Variants in L3MBTL4 observed in about 807,000 individuals in gnomAD.
The protein encoded by L3MBTL4 is L3MBTL histone methyl-lysine binding protein 4, also known as lethal(3)malignant brain tumor-like protein 4.
A neutral mutation model predicts 84.5 loss-of-function variants in L3MBTL4; 70 were observed. The ratio of observed to expected loss-of-function variants is 0.83; its 90% CI spans 0.68 to 1.01. The LOEUF (loss-of-function observed/expected upper bound fraction) is 1.01, where lower values mean the gene tolerates loss of function less well. L3MBTL4 is among the 50% of genes least tolerant of loss of function. The pLI is 0.00. For missense variants in L3MBTL4, 715 were observed against 754.8 expected (o/e 0.95, Z 0.62); for synonymous variants, 274 against 259.8 (o/e 1.05, Z -0.52).
Position 6,325,564 on chromosome 18 carries a change from G to A in L3MBTL4, c.-90-13508C>T, listed in dbSNP as rs185267364. Among the ~76,000 whole-genome samples the A allele has an allele frequency of 4.2e-3, 633 of 152,220 alleles. 3 individuals carry two copies. The highest frequency in any genetic ancestry group is 8.3e-3 in the South Asian group (40 of 4,826). On this transcript the variant is annotated intron_variant, in intron 1 of 18. Coordinates refer to ENST00000317931, the MANE Select transcript of L3MBTL4 (RefSeq NM_001330559.2). ...TAGATATATACGGCAAACTATATAA[G>A]TAGTATATATAAAGTAAACTGCCTT... is the stretch of plus-strand genomic sequence containing the variant.
In L3MBTL4 at chr18:6,272,108, C is replaced by T. The variant is rs184453056; in HGVS notation, c.128-8070G>A. On this transcript the variant is annotated intron_variant, in intron 4 of 18. Coordinates refer to ENST00000317931, the MANE Select transcript of L3MBTL4 (RefSeq NM_001330559.2). ...AGGAGACGGGACGTCTCAGTTCTTC[C>T]GTTGAGGGAAATGCACCCAGAGAGA... Among the ~76,000 whole-genome samples the T allele has an allele frequency of 6.3e-3, 957 of 152,210 alleles. 3 individuals carry two copies. The highest frequency in any genetic ancestry group is 0.013 in the South Asian group (62 of 4,810).
At chr18:6,296,020 G>A (rs1320103891) in intron 4 of L3MBTL4, among the ~76,000 whole-genome samples, 1 of 152,152 alleles carries the variant, frequency 6.6e-6, no homozygotes, top group Non-Finnish European at 1.5e-5. Flanking sequence ...CCATTCTCAG[G>A]TAAGGAATTA....
intron 16 of L3MBTL4, among the ~76,000 whole-genome samples, chr18:6,070,508 T>A: frequency 6.9e-6 from 1 of 144,540 alleles, no homozygotes; most frequent in East Asian, 2.0e-4. Context: ...AAGAAAAACT[T>A]ACTCAAAAAA....
intron 16 of L3MBTL4, among the ~76,000 whole-genome samples, chr18:6,015,492 G>C (rs1273964650): frequency 1.3e-5 from 2 of 152,054 alleles, no homozygotes; most frequent in African/African-American, 4.8e-5. Context: ...GCCTTTGGGG[G>C]ATCTAGAACA....
chr18:6,196,452 C>T (rs1387787975), intron 12 of L3MBTL4, among the ~76,000 whole-genome samples: 2 of 152,084 alleles, frequency 1.3e-5, no homozygotes, highest in Admixed American at 6.5e-5. Flanking sequence ...CCACCGTGCC[C>T]GGCCTAGAGT....
At chr18:6,199,043 G>A (rs994988454) in intron 12 of L3MBTL4, among the ~76,000 whole-genome samples, 2 of 152,104 alleles carry the variant, frequency 1.3e-5, no homozygotes, top group African/African-American at 2.4e-5. Context: ...TCTAAAGAGG[G>A]AAAAATCTGT....
intron 1 of L3MBTL4, among the ~76,000 whole-genome samples, chr18:6,316,501 C>G (rs1053252554): frequency 1.3e-5 from 2 of 152,172 alleles, no homozygotes; most frequent in Non-Finnish European, 2.9e-5. Flanking sequence ...CTTCTTTTCT[C>G]TCTTATCCAT....
chr18:6,382,337 T>G (rs1235328137), intron 1 of L3MBTL4, among the ~76,000 whole-genome samples: 2 of 152,182 alleles, frequency 1.3e-5, no homozygotes, highest in Non-Finnish European at 2.9e-5. Flanking sequence ...CTTCTGTCAA[T>G]TCATCAGACT....
At chr18:6,379,938 G>A (rs528415270) in intron 1 of L3MBTL4, among the ~76,000 whole-genome samples, 38 of 152,190 alleles carry the variant, frequency 2.5e-4, no homozygotes, top group African/African-American at 7.2e-4. Context: ...CTGTGAATCC[G>A]TCTGGTCCTG....
intron 10 of L3MBTL4, among the ~76,000 whole-genome samples, chr18:6,231,171 G>T (rs763679527): frequency 5.3e-5 from 8 of 152,054 alleles, no homozygotes; most frequent in Non-Finnish European, 8.8e-5. Context: ...ATCCAGGATG[G>T]TATTTCATAG....
intron 15 of L3MBTL4, among the ~76,000 whole-genome samples, chr18:6,093,022 T>C (rs1343516764): frequency 6.6e-6 from 1 of 152,150 alleles, no homozygotes; most frequent in Admixed American, 6.5e-5. Flanking sequence ...AGAGGTAATA[T>C]CTATGAAACG....
At chr18:6,239,335 C>T (rs1443461668) in intron 9 of L3MBTL4, among the ~76,000 whole-genome samples, 3 of 127,894 alleles carry the variant, frequency 2.3e-5, no homozygotes, top group African/African-American at 3.4e-5. Flanking sequence ...AGCGAGACTC[C>T]GTCTCAAAAA....
chr18:6,234,760 G>A (rs1292524601), intron 10 of L3MBTL4, among the ~76,000 whole-genome samples: 4 of 152,146 alleles, frequency 2.6e-5, no homozygotes, highest in East Asian at 1.9e-4. Context: ...ACAGTGTGGC[G>A]ATTCCTCAAG....
At chr18:6,089,340 G>GAAATGGTAAGGAAATACCA (rs1237355494) in intron 15 of L3MBTL4, among the ~76,000 whole-genome samples, 1 of 152,070 alleles carries the variant, frequency 6.6e-6, no homozygotes, top group African/African-American at 2.4e-5. Flanking sequence ...CATCAGTTTG[G>GAAATGGTAAGGAAATACCA]GGAAAACATG....
chr18:6,015,884 C>A (rs142951837), intron 16 of L3MBTL4, among the ~76,000 whole-genome samples: 1,958 of 152,232 alleles, frequency 0.013, 25 homozygotes, highest in Middle Eastern at 0.071. Flanking sequence ...CGCTTGAATC[C>A]GGGACGCGGA....
At chr18:6,197,286 C>T (rs1363726906) in intron 12 of L3MBTL4, among the ~76,000 whole-genome samples, 3 of 152,144 alleles carry the variant, frequency 2.0e-5, no homozygotes, top group Non-Finnish European at 4.4e-5. Flanking sequence ...CTGACAGGCC[C>T]CAGTGTGTGT....
intron 14 of L3MBTL4, among the ~76,000 whole-genome samples, chr18:6,104,286 G>C (rs574668500): frequency 2.6e-5 from 4 of 152,006 alleles, no homozygotes; most frequent in African/African-American, 9.7e-5. Context: ...TGCATTCATT[G>C]CAGAATTATT....
At chr18:6,177,781 G>A (rs1030626063) in intron 12 of L3MBTL4, among the ~76,000 whole-genome samples, 1 of 152,194 alleles carries the variant, frequency 6.6e-6, no homozygotes, top group Non-Finnish European at 1.5e-5. Flanking sequence ...GGTGTGAACA[G>A]GCAACACTGG....
intron 4 of L3MBTL4, among the ~76,000 whole-genome samples, chr18:6,298,709 C>A (rs1390099634): frequency 6.6e-6 from 1 of 152,100 alleles, no homozygotes; most frequent in Non-Finnish European, 1.5e-5. Flanking sequence ...CCCATCTCTA[C>A]TACAAATACA....
Sources: allele counts gnomAD v4.1 joint callset (sites outside exome capture counted in the v4.1 genomes callset), GRCh38; gene constraint gnomAD v4.1.1; transcripts MANE v1.5; gene names NCBI Gene and HGNC (gene_info 2026-07-23, HGNC 2026-07-21).